The following NEGR1 variants were observed in gnomAD, a reference collection of about 807,000 sequenced individuals.
The protein encoded by NEGR1 is neuronal growth regulator 1.
NEGR1 carries 10 observed loss-of-function variants against 40.9 expected under a neutral mutation model. The ratio of observed to expected loss-of-function variants is 0.24; its 90% CI spans 0.15 to 0.42. The LOEUF (loss-of-function observed/expected upper bound fraction) is 0.42, where lower values mean the gene tolerates loss of function less well. NEGR1 is among the 10% of genes least tolerant of loss of function. The pLI is 1.00. For missense variants in NEGR1, 352 were observed against 438.9 expected (o/e 0.80, Z 1.77); for synonymous variants, 185 against 166.8 (o/e 1.11, Z -0.84).
At chr1:72,047,088 C>T (rs1350232190) in intron 1 of NEGR1, among the ~76,000 whole-genome samples, 1 of 151,360 alleles carries the variant, frequency 6.6e-6, no homozygotes, top group Non-Finnish European at 1.5e-5. Flanking sequence ...TTCTTGTCTT[C>T]CTGGCTTCTT....
intron 1 of NEGR1, among the ~76,000 whole-genome samples, chr1:72,011,140 T>A (rs748804901): frequency 3.1e-4 from 47 of 152,158 alleles, no homozygotes; most frequent in Non-Finnish European, 5.7e-4. Flanking sequence ...TTTGGTCATG[T>A]CAATGAAGAT....
At chr1:71,667,754 G>T (rs1652290840) in intron 4 of NEGR1, among the ~76,000 whole-genome samples, 1 of 152,024 alleles carries the variant, frequency 6.6e-6, no homozygotes, top group Admixed American at 6.6e-5. Flanking sequence ...TTGACTATCG[G>T]GTTCAAATCT....
chr1:72,035,616 G>A (rs996418706), intron 1 of NEGR1, among the ~76,000 whole-genome samples: 4 of 152,168 alleles, frequency 2.6e-5, no homozygotes, highest in African/African-American at 9.7e-5. Context: ...GTTAAGTGGA[G>A]AGGCAGGGAT....
chr1:72,264,148 T>C (rs1655559965), intron 1 of NEGR1, among the ~76,000 whole-genome samples: 1 of 151,410 alleles, frequency 6.6e-6, no homozygotes, highest in South Asian at 2.1e-4. Flanking sequence ...TGTGTAATCA[T>C]TAATATGGAG....
At chr1:71,420,513 A>G (rs1415055421) in intron 6 of NEGR1, among the ~76,000 whole-genome samples, 1 of 152,012 alleles carries the variant, frequency 6.6e-6, no homozygotes, top group East Asian at 1.9e-4. Flanking sequence ...TCTACACAAG[A>G]AAAAAGGAAA....
At chr1:71,675,230 T>C (rs191815110) in intron 4 of NEGR1, among the ~76,000 whole-genome samples, 1 of 147,276 alleles carries the variant, frequency 6.8e-6, no homozygotes. Flanking sequence ...CCTTCAGGTA[T>C]AGAGTTAAGT....
intron 1 of NEGR1, among the ~76,000 whole-genome samples, chr1:72,121,194 C>G (rs74087129): frequency 0.019 from 2,939 of 152,080 alleles, 111 homozygotes; most frequent in African/African-American, 0.067. Flanking sequence ...CTGCTGCATA[C>G]ACACCCCAAA....
chr1:71,706,719 C>T (rs1326519629), intron 3 of NEGR1, among the ~76,000 whole-genome samples: 1 of 151,798 alleles, frequency 6.6e-6, no homozygotes, highest in East Asian at 1.9e-4. Context: ...CCCTAGCTTC[C>T]AGATGACATT....
chr1:71,671,103 T>C (rs1652412022), intron 4 of NEGR1, among the ~76,000 whole-genome samples: 1 of 152,228 alleles, frequency 6.6e-6, no homozygotes, highest in African/African-American at 2.4e-5. Flanking sequence ...AACTTTGCAG[T>C]AAAAGAACTT....
At chr1:72,058,509 G>T (rs1416247711) in intron 1 of NEGR1, among the ~76,000 whole-genome samples, 1 of 151,542 alleles carries the variant, frequency 6.6e-6, no homozygotes, top group Non-Finnish European at 1.5e-5. Flanking sequence ...TGGTGAAGAG[G>T]AAGAAGGAAA....
intron 1 of NEGR1, among the ~76,000 whole-genome samples, chr1:71,965,060 A>G (rs1160111221): frequency 6.6e-6 from 1 of 152,154 alleles, no homozygotes; most frequent in African/African-American, 2.4e-5. Context: ...GCTGACCCAG[A>G]CCCAATGGAA....
intron 1 of NEGR1, among the ~76,000 whole-genome samples, chr1:72,046,113 T>C (rs1352265384): frequency 6.6e-6 from 1 of 151,708 alleles, no homozygotes; most frequent in Non-Finnish European, 1.5e-5. Context: ...TATTTCTGTT[T>C]GTAAAACAAG....
chr1:72,144,357 TC>T (rs979029038), intron 1 of NEGR1, among the ~76,000 whole-genome samples: 1 of 151,884 alleles, frequency 6.6e-6, no homozygotes, highest in African/African-American at 2.4e-5. Flanking sequence ...ATCATAATTT[TC>T]CAATGCTATT....
chr1:71,577,702 T>C (rs1414126178), intron 6 of NEGR1, among the ~76,000 whole-genome samples: 1 of 152,210 alleles, frequency 6.6e-6, no homozygotes, highest in Non-Finnish European at 1.5e-5. Context: ...GTCCTCTGTC[T>C]AAGCTTGTCT....
chr1:72,156,974 TG>T (rs1651383228), intron 1 of NEGR1, among the ~76,000 whole-genome samples: 1 of 151,168 alleles, frequency 6.6e-6, no homozygotes, highest in Non-Finnish European at 1.5e-5. Flanking sequence ...TGTCTGTTTG[TG>T]TGTTTTTGAG....
chr1:71,611,666 G>T (rs1390720657), intron 4 of NEGR1, among the ~76,000 whole-genome samples: 1 of 152,168 alleles, frequency 6.6e-6, no homozygotes, highest in African/African-American at 2.4e-5. Flanking sequence ...TTGAAGTCAG[G>T]CATGTTAACT....
chr1:72,007,524 C>T (rs746878414), intron 1 of NEGR1, among the ~76,000 whole-genome samples: 26 of 152,030 alleles, frequency 1.7e-4, no homozygotes, highest in Admixed American at 1.2e-3. Context: ...GACTTTTCTC[C>T]GCCACTGCTA....
At chr1:71,994,682 G>A (rs1009298896) in intron 1 of NEGR1, among the ~76,000 whole-genome samples, 1 of 152,030 alleles carries the variant, frequency 6.6e-6, no homozygotes, top group Admixed American at 6.5e-5. Context: ...GCATGGTTTT[G>A]TCTATACCTC....
chr1:71,970,563 G>T (rs72935883), intron 1 of NEGR1, among the ~76,000 whole-genome samples: 4 of 151,912 alleles, frequency 2.6e-5, no homozygotes, highest in African/African-American at 9.7e-5. Context: ...ATGGTAGTGC[G>T]TGCCTGTAGA....
Sources: allele counts gnomAD v4.1 joint callset (sites outside exome capture counted in the v4.1 genomes callset), GRCh38; gene constraint gnomAD v4.1.1; transcripts MANE v1.5; gene names NCBI Gene and HGNC (gene_info 2026-07-23, HGNC 2026-07-21).